CNTNAP2: variants seen among roughly 807,000 people sequenced by gnomAD.
The protein encoded by CNTNAP2 is contactin-associated protein-like 2.
A neutral mutation model predicts 155.2 loss-of-function variants in CNTNAP2; 98 were observed. That is an observed-to-expected ratio of 0.63 (90% CI 0.54 to 0.75). The LOEUF (loss-of-function observed/expected upper bound fraction) is 0.75. Among genes scored for constraint, CNTNAP2 ranks in the 30% least tolerant of loss-of-function variants. The pLI, the probability that CNTNAP2 is intolerant of heterozygous loss-of-function variation, is 0.00. For synonymous variants in CNTNAP2, 651 were observed against 631.2 expected (o/e 1.03, Z -0.47); for missense variants, 1,727 against 1,688.1 (o/e 1.02, Z -0.40).
chr7:146,924,246 T>G (rs1354028407), intron 3 of CNTNAP2, among the ~76,000 whole-genome samples: 1 of 152,084 alleles, frequency 6.6e-6, no homozygotes, highest in African/African-American at 2.4e-5. Context: ...AATTAGATTT[T>G]TTTTAAATTT....
intron 8 of CNTNAP2, among the ~76,000 whole-genome samples, chr7:147,238,402 G>T (rs867728482): frequency 6.7e-6 from 1 of 149,170 alleles, no homozygotes; most frequent in Non-Finnish European, 1.5e-5. Flanking sequence ...TATGTGTGCA[G>T]ACACACACAC....
At chr7:146,917,156 A>G (rs576861857) in intron 3 of CNTNAP2, among the ~76,000 whole-genome samples, 20 of 152,196 alleles carry the variant, frequency 1.3e-4, no homozygotes, top group African/African-American at 4.6e-4. Context: ...TTGATTTCAA[A>G]TTTTATTCCA....
chr7:147,943,357 A>G (rs1800759208), intron 14 of CNTNAP2, among the ~76,000 whole-genome samples: 1 of 152,184 alleles, frequency 6.6e-6, no homozygotes, highest in African/African-American at 2.4e-5. Context: ...TCTATTCTAT[A>G]CCTTGAATTT....
At chr7:148,119,467 C>T (rs572062011) in intron 16 of CNTNAP2, among the ~76,000 whole-genome samples, 11 of 152,196 alleles carry the variant, frequency 7.2e-5, no homozygotes, top group Admixed American at 3.9e-4. Context: ...ACCCGGGAGG[C>T]GGAGCTTGCA....
At chr7:147,730,704 C>A (rs1796724513) in intron 13 of CNTNAP2, among the ~76,000 whole-genome samples, 1 of 152,010 alleles carries the variant, frequency 6.6e-6, no homozygotes, top group Non-Finnish European at 1.5e-5. Flanking sequence ...AGTCACACAT[C>A]TGTCACTTTA....
At chr7:146,767,477 CA>C (rs1563222372) in intron 1 of CNTNAP2, among the ~76,000 whole-genome samples, 1 of 152,060 alleles carries the variant, frequency 6.6e-6, no homozygotes, top group African/African-American at 2.4e-5. Flanking sequence ...GTAATAATAG[CA>C]ATGACTTCTA....
chr7:147,531,937 G>A (rs1799440427), intron 11 of CNTNAP2, among the ~76,000 whole-genome samples: 1 of 151,620 alleles, frequency 6.6e-6, no homozygotes, highest in Admixed American at 6.6e-5. Context: ...CTCCCGAGTA[G>A]CTGGGACTAC....
rs114134687 is a variant in CNTNAP2, at chr7:147,778,988, A to C, written c.2099-124577A>C. Among the ~76,000 whole-genome samples, 944 of 152,328 alleles carry C rather than the reference A, an allele frequency of 6.2e-3. 3 individuals are homozygous for C. Among genetic ancestry groups the C allele is most frequent in the African/African-American group, 0.022 (898 of 41,554 alleles). The stretch of plus-strand genomic sequence containing the variant: ...GGGTTTCACCACCTTTTATAATAAA[A>C]ACAGAAGATATTCACAAAAATAGCT... On this transcript the variant is annotated intron_variant, in intron 13 of 23. Coordinates refer to ENST00000361727, the MANE Select transcript of CNTNAP2 (RefSeq NM_014141.6).
chr7:146,941,854 C>T (rs1393666942), intron 3 of CNTNAP2, among the ~76,000 whole-genome samples: 13 of 151,650 alleles, frequency 8.6e-5, no homozygotes, highest in Non-Finnish European at 1.3e-4. Context: ...CTGAGTGTGT[C>T]TCCAGTTAGG....
At chr7:146,769,377 T>C (rs1802253815) in intron 1 of CNTNAP2, among the ~76,000 whole-genome samples, 1 of 152,224 alleles carries the variant, frequency 6.6e-6, no homozygotes, top group African/African-American at 2.4e-5. Context: ...GAGATTGAGA[T>C]ACATGTTTTA....
intron 1 of CNTNAP2, among the ~76,000 whole-genome samples, chr7:146,302,529 C>G (rs1800628933): frequency 6.6e-6 from 1 of 152,064 alleles, no homozygotes; most frequent in Non-Finnish European, 1.5e-5. Context: ...AAAGATTCTT[C>G]AAGATTTATG....
intron 10 of CNTNAP2, among the ~76,000 whole-genome samples, chr7:147,456,266 G>A (rs1387509261): frequency 1.3e-5 from 2 of 152,094 alleles, no homozygotes; most frequent in Non-Finnish European, 2.9e-5. Flanking sequence ...AAAGCAATTA[G>A]AGGCCTACAA....
At chr7:146,181,112 C>A (rs995758819) in intron 1 of CNTNAP2, among the ~76,000 whole-genome samples, 1 of 152,126 alleles carries the variant, frequency 6.6e-6, no homozygotes, top group Middle Eastern at 3.2e-3. Flanking sequence ...AATGCATATG[C>A]TTCTGCAAAA....
At chr7:148,078,950 T>C (rs1563191938) in intron 15 of CNTNAP2, among the ~76,000 whole-genome samples, 3 of 152,192 alleles carry the variant, frequency 2.0e-5, no homozygotes, top group Admixed American at 1.3e-4. Context: ...ACAGTATTTG[T>C]AGAAGGGAAA....
chr7:148,202,269 AGAT>A (rs1462310182), intron 18 of CNTNAP2, among the ~76,000 whole-genome samples: 2 of 152,200 alleles, frequency 1.3e-5, no homozygotes, highest in Non-Finnish European at 2.9e-5. Flanking sequence ...ACTAAGCAAC[AGAT>A]GCTTTCTGGA....
intron 11 of CNTNAP2, chr7:147,497,278 A>G (rs1243200404): frequency 1.3e-5 from 2 of 152,212 alleles, no homozygotes; most frequent in East Asian, 3.8e-4. Context: ...CAAAGCTGCC[A>G]TAGAAGCTCC....
At chr7:146,571,457 G>T (rs1798438596) in intron 1 of CNTNAP2, among the ~76,000 whole-genome samples, 1 of 151,876 alleles carries the variant, frequency 6.6e-6, no homozygotes, top group Non-Finnish European at 1.5e-5. Context: ...TTTTTGTTTT[G>T]CTTTCATTTC....
At chr7:148,251,888 C>G (rs1487371795) in intron 20 of CNTNAP2, among the ~76,000 whole-genome samples, 2 of 152,188 alleles carry the variant, frequency 1.3e-5, no homozygotes, top group African/African-American at 4.8e-5. Flanking sequence ...TGCAGAAGTT[C>G]CCAGCCATGC....
At chr7:148,212,089 A>G (rs1795560992) in intron 18 of CNTNAP2, among the ~76,000 whole-genome samples, 1 of 152,150 alleles carries the variant, frequency 6.6e-6, no homozygotes, top group Non-Finnish European at 1.5e-5. Context: ...GAGCAATTGA[A>G]TAATAGGAGT....
Sources: allele counts gnomAD v4.1 joint callset (sites outside exome capture counted in the v4.1 genomes callset), GRCh38; gene constraint gnomAD v4.1.1; transcripts MANE v1.5; gene names NCBI Gene and HGNC (gene_info 2026-07-23, HGNC 2026-07-21).